Variants in CGGBP1 observed in about 807,000 individuals in gnomAD.
The protein encoded by CGGBP1 is CGG triplet repeat binding protein 1.
Under a neutral mutation model 11.4 loss-of-function variants are expected in CGGBP1, and 4 were observed. The ratio of observed to expected loss-of-function variants is 0.35; its 90% confidence interval spans 0.17 to 0.80. The LOEUF (loss-of-function observed/expected upper bound fraction) is 0.80, where lower values mean the gene tolerates loss of function less well. Among genes scored for constraint, CGGBP1 ranks in the 30% least tolerant of loss-of-function variants. The probability of loss-of-function intolerance (pLI) is 0.52; values close to 1 mark genes in which losing one functional copy is unlikely to be tolerated. For synonymous variants in CGGBP1, 76 were observed against 74.1 expected (o/e 1.03, Z -0.13); for missense variants, 135 against 202.1 (o/e 0.67, Z 2.01).
At chr3:88,137,249 C>T (rs1038404601) in intron 2 of CGGBP1, among the ~76,000 whole-genome samples, 11 of 123,388 alleles carry the variant, frequency 8.9e-5, no homozygotes, top group African/African-American at 2.1e-4. Context: ...AGAAAGAAAA[C>T]GAATTCTGTT....
chr3:88,133,876 A>G (rs1180923112), intron 2 of CGGBP1, among the ~76,000 whole-genome samples: 7 of 152,182 alleles, frequency 4.6e-5, no homozygotes, highest in African/African-American at 1.7e-4. Flanking sequence ...AAGACACTGC[A>G]AGATAAACAG....
chr3:88,131,626 C>T (rs1298119966), intron 2 of CGGBP1, among the ~76,000 whole-genome samples: 1 of 152,100 alleles, frequency 6.6e-6, no homozygotes, highest in African/African-American at 2.4e-5. Context: ...TCTTCTGGCT[C>T]CTGGCCACAG....
In CGGBP1 at chr3:88,054,423, C is replaced by T. The variant is rs550676569; in HGVS notation, c.*1050G>A. 2.1e-4 allele frequency: 32 copies of T among 152,206 alleles called. No individual in the cohort carries two copies. Among genetic ancestry groups the T allele is most frequent in the African/African-American group, 7.7e-4 (32 of 41,560 alleles). 9.4% of individuals were successfully genotyped at this position (152,206 alleles called of 1,614,324 possible). ...ACTGCCAGATCTCCAATACAAAAAA[C>T]CTGCCAGAATTTCTAGACAATTGTT... On this transcript the variant is annotated 3_prime_UTR_variant, in exon 4 of 4. Coordinates refer to ENST00000482016, the MANE Select transcript of CGGBP1 (RefSeq NM_001008390.2).
chr3:88,059,439 T>TGGCAGCGGCAACTGCGGCGGCGGC, upstream of CGGBP1: 1 of 1,521,192 alleles, frequency 6.6e-7, no homozygotes, highest in Non-Finnish European at 8.8e-7. Context: ...GAGGCGGCGC[T>TGGCAGCGGCAACTGCGGCGGCGGC]GGCAGCGGCA....
chr3:88,144,940 T>C (rs566056199), intron 1 of CGGBP1, among the ~76,000 whole-genome samples: 1 of 152,132 alleles, frequency 6.6e-6, no homozygotes, highest in East Asian at 1.9e-4. Context: ...TTCAGGTAAG[T>C]GGGTTCAGTG....
At position 88,054,552 on chromosome 3, in the gene CGGBP1, G is replaced by C. The variant is rs954317802; in HGVS notation, c.*921C>G. On this transcript the variant is annotated 3_prime_UTR_variant, in exon 4 of 4. Transcript: ENST00000482016. ...CTAAATAAACTCATAAAGTTGTAGA[G>C]AAAAATTAATGAATAGAAAGTAATT... The C allele has an allele frequency of 6.6e-6, 1 of 151,968 alleles. No individual in the cohort carries two copies. The highest frequency in any genetic ancestry group is 1.5e-5 in the Non-Finnish European group (1 of 67,956). The allele number at this position is 151,968 out of a possible 1,614,324, so 9.4% of individuals were successfully genotyped here. A position where few individuals can be genotyped will look rare whatever the true frequency, so the allele number is the denominator to read the frequency against.
intron 2 of CGGBP1, among the ~76,000 whole-genome samples, chr3:88,136,979 G>A (rs1023872588): frequency 6.6e-6 from 1 of 151,998 alleles, no homozygotes; most frequent in Non-Finnish European, 1.5e-5. Context: ...CAGATCACTT[G>A]AGGCCAGAAG....
chr3:88,098,878 C>T (rs1704227780), intron 2 of CGGBP1, among the ~76,000 whole-genome samples: 1 of 152,200 alleles, frequency 6.6e-6, no homozygotes. Context: ...CAGCCAGTAT[C>T]ATACTGAATG....
At position 88,053,434 on chromosome 3, in the gene CGGBP1, GA is replaced by G. The variant is rs556255798; in HGVS notation, c.*2038del. The G allele has an allele frequency of 2.0e-5, 3 of 152,032 alleles. No homozygotes were observed. The South Asian group carries it at 6.2e-4, about 32-fold the overall frequency. 9.4% of individuals were successfully genotyped at this position (152,032 alleles called of 1,614,324 possible). Reference sequence around the variant, plus strand: ...TTAGGAGTCTGAAAAAATACATTAAGATATATAAAATTTAAGTGATTATCAA... The same window carrying G: ...TTAGGAGTCTGAAAAAATACATTAAGTATATAAAATTTAAGTGATTATCAA... On this transcript the variant is annotated 3_prime_UTR_variant, in exon 4 of 4. Coordinates refer to ENST00000482016, the MANE Select transcript of CGGBP1 (RefSeq NM_001008390.2).
chr3:88,139,909 A>G (rs536331654), intron 2 of CGGBP1: 1 of 1,613,502 alleles, frequency 6.2e-7, no homozygotes, highest in East Asian at 2.2e-5. Flanking sequence ...GGAAACTTTA[A>G]GTGTCCTGCT....
intron 2 of CGGBP1, chr3:88,095,393 A>G: frequency 3.0e-6 from 1 of 328,546 alleles, no homozygotes; most frequent in Non-Finnish European, 5.8e-6. Flanking sequence ...GAGAAGTGAC[A>G]GGGATCACCC....
At chr3:88,074,873 G>C (rs1297458726) in intron 2 of CGGBP1, among the ~76,000 whole-genome samples, 1 of 152,180 alleles carries the variant, frequency 6.6e-6, no homozygotes, top group Non-Finnish European at 1.5e-5. Context: ...AGGCTCACCA[G>C]TGTGCCAGTT....
At chr3:88,104,912 G>C (rs1199410809) in intron 2 of CGGBP1, among the ~76,000 whole-genome samples, 1 of 152,214 alleles carries the variant, frequency 6.6e-6, no homozygotes, top group Non-Finnish European at 1.5e-5. Flanking sequence ...GCCAAGGTGG[G>C]CAGATTACTT....
At chr3:88,097,229 T>C (rs941101121) in intron 2 of CGGBP1, among the ~76,000 whole-genome samples, 1 of 152,116 alleles carries the variant, frequency 6.6e-6, no homozygotes, top group Non-Finnish European at 1.5e-5. Flanking sequence ...TTATCACTTA[T>C]CACACATTTA....
chr3:88,138,970 G>A, intron 2 of CGGBP1: 1 of 1,245,966 alleles, frequency 8.0e-7, no homozygotes, highest in Non-Finnish European at 1.0e-6. Context: ...AATCGTGTTC[G>A]TTTTGAATTG....
intron 2 of CGGBP1, among the ~76,000 whole-genome samples, chr3:88,066,966 A>G (rs1246811394): frequency 6.6e-6 from 1 of 152,174 alleles, no homozygotes; most frequent in Non-Finnish European, 1.5e-5. Flanking sequence ...ATGGCAAACT[A>G]AATTTGGGAG....
At chr3:88,056,914 G>A (rs1240474238) in intron 3 of CGGBP1, 2 of 152,092 alleles carry the variant, frequency 1.3e-5, no homozygotes, top group Non-Finnish European at 2.9e-5. Context: ...TATGAGCACT[G>A]CACTAAATAC....
intron 2 of CGGBP1, among the ~76,000 whole-genome samples, chr3:88,091,034 C>CAAA (rs1350317040): frequency 6.6e-6 from 1 of 152,164 alleles, no homozygotes; most frequent in African/African-American, 2.4e-5. Flanking sequence ...ACTATTGTTA[C>CAAA]AGTTGCCTAT....
At chr3:88,129,030 T>G in intron 2 of CGGBP1, 1 of 1,518,642 alleles carries the variant, frequency 6.6e-7, no homozygotes, top group Non-Finnish European at 8.8e-7. Context: ...TGAGACTATT[T>G]TTGCCTATTA....
Sources: gnomAD v4.1 joint callset for allele counts (sites outside exome capture counted in the v4.1 genomes callset) on GRCh38, gnomAD v4.1.1 for gene constraint, MANE v1.5 for transcripts, NCBI Gene and HGNC (gene_info 2026-07-23, HGNC 2026-07-21) for gene names.